Variants in PDZRN3 observed in about 807,000 individuals in gnomAD.
PDZRN3 encodes the protein E3 ubiquitin-protein ligase PDZRN3.
In PDZRN3, 38 loss-of-function variants were observed where a neutral mutation model predicts 85.7. The ratio of observed to expected loss-of-function variants is 0.44; its 90% CI spans 0.34 to 0.58. PDZRN3 has a LOEUF of 0.58. Among genes scored for constraint, PDZRN3 ranks in the 20% least tolerant of loss-of-function variants. The pLI, the probability that PDZRN3 is intolerant of heterozygous loss-of-function variation, is 0.01. For missense variants in PDZRN3, 1,629 were observed against 1,506.4 expected (o/e 1.08, Z -1.35); for synonymous variants, 759 against 638.0 (o/e 1.19, Z -2.86).
intron 3 of PDZRN3, among the ~76,000 whole-genome samples, chr3:73,480,247 G>C (rs994106634): frequency 6.6e-6 from 1 of 152,190 alleles, no homozygotes; most frequent in Non-Finnish European, 1.5e-5. Flanking sequence ...TGGCCAACAG[G>C]CTATAATGAC....
At chr3:73,418,142 C>T in intron 3 of PDZRN3, among the ~76,000 whole-genome samples, 1 of 152,256 alleles carries the variant, frequency 6.6e-6, no homozygotes, top group Non-Finnish European at 1.5e-5. Context: ...TTCACAGGCA[C>T]AGAAGGGCTT....
At chr3:73,619,782 G>A (rs983171463) in intron 1 of PDZRN3, among the ~76,000 whole-genome samples, 1 of 152,238 alleles carries the variant, frequency 6.6e-6, no homozygotes, top group Non-Finnish European at 1.5e-5. Context: ...AGAGAAATGG[G>A]ACAGCATAGG....
chr3:73,454,517 C>A (rs1335624900), intron 3 of PDZRN3, among the ~76,000 whole-genome samples: 1 of 152,204 alleles, frequency 6.6e-6, no homozygotes, highest in African/African-American at 2.4e-5. Context: ...GGAAGGACGA[C>A]ACGTAACCTA....
At chr3:73,549,066 G>A (rs909743335) in intron 3 of PDZRN3, among the ~76,000 whole-genome samples, 2 of 152,160 alleles carry the variant, frequency 1.3e-5, no homozygotes, top group South Asian at 2.1e-4. Context: ...ATCTCTTCTC[G>A]CCTCTGAACA....
At chr3:73,395,545 T>A (rs2106704355) in intron 5 of PDZRN3, among the ~76,000 whole-genome samples, 1 of 152,334 alleles carries the variant, frequency 6.6e-6, no homozygotes, top group East Asian at 1.9e-4. Flanking sequence ...AAACTCTCTG[T>A]TGCAGCATCA....
intron 1 of PDZRN3, among the ~76,000 whole-genome samples, chr3:73,617,758 T>A (rs1333187170): frequency 1.3e-5 from 2 of 152,212 alleles, no homozygotes; most frequent in African/African-American, 4.8e-5. Context: ...TGGAGTGCAC[T>A]GGCACGATCT....
intron 6 of PDZRN3, 59 bp downstream of exon 6, chr3:73,390,959 A>AG: frequency 4.2e-6 from 5 of 1,195,970 alleles, no homozygotes; most frequent in Non-Finnish European, 6.2e-6. Context: ...GTGAACATGA[A>AG]AAAAAAAACC....
chr3:73,395,816 TG>T (rs367779975), intron 5 of PDZRN3, among the ~76,000 whole-genome samples: 354 of 152,354 alleles, frequency 2.3e-3, no homozygotes, highest in Admixed American at 4.2e-3. Context: ...AAATATTTCC[TG>T]GGTGCCTACT....
intron 3 of PDZRN3, among the ~76,000 whole-genome samples, chr3:73,491,622 A>G (rs1703773556): frequency 1.9e-5 from 2 of 103,044 alleles, no homozygotes; most frequent in African/African-American, 6.3e-5. Context: ...CAGGGTCTTC[A>G]GGGTCTTGCT....
Position 73,515,472 on chromosome 3 carries a change from G to A in PDZRN3, c.918+86882C>T, listed in dbSNP as rs537249792. The stretch of plus-strand genomic sequence containing the variant: ...ATTACAGGCGTGAGCCACCACGCCC[G>A]GCCCAATCAGCCCTTCTTAAACACC... On this transcript the variant is annotated intron_variant, in intron 3 of 9. Transcript: ENST00000263666. 1.8e-4 allele frequency among the ~76,000 whole-genome samples: 28 copies of A among 152,142 alleles called. No homozygotes were observed. The East Asian group carries it at 2.9e-3, about 16-fold the overall frequency.
At chr3:73,433,939 CACAT>C (rs1702483463) in intron 3 of PDZRN3, 1 of 1,393,210 alleles carries the variant, frequency 7.2e-7, no homozygotes, top group African/African-American at 1.4e-5. Context: ...CACACACACA[CACAT>C]ACACACAGAC....
intron 3 of PDZRN3, among the ~76,000 whole-genome samples, chr3:73,559,899 A>G (rs1304985844): frequency 1.3e-5 from 2 of 152,220 alleles, no homozygotes; most frequent in Non-Finnish European, 2.9e-5. Context: ...CTTAGAGTCA[A>G]TATTTACATT....
intron 3 of PDZRN3, among the ~76,000 whole-genome samples, chr3:73,501,685 A>G (rs949678376): frequency 5.3e-5 from 8 of 152,228 alleles, no homozygotes; most frequent in African/African-American, 1.9e-4. Flanking sequence ...TTTGGTGAGA[A>G]TAAGGTGGGT....
chr3:73,495,273 G>T (rs1293319987), intron 3 of PDZRN3, among the ~76,000 whole-genome samples: 1 of 145,914 alleles, frequency 6.9e-6, no homozygotes, highest in Non-Finnish European at 1.5e-5. Context: ...TTTAATTATG[G>T]AAGTAAGAAA....
At chr3:73,480,281 G>C (rs1025391494) in intron 3 of PDZRN3, among the ~76,000 whole-genome samples, 1 of 152,184 alleles carries the variant, frequency 6.6e-6, no homozygotes, top group African/African-American at 2.4e-5. Context: ...ACCTCTCAGA[G>C]GTTAGCACCT....
intron 3 of PDZRN3, among the ~76,000 whole-genome samples, chr3:73,468,424 C>G (rs976330572): frequency 2.6e-5 from 4 of 152,008 alleles, no homozygotes; most frequent in African/African-American, 9.7e-5. Context: ...CTCTCCATGC[C>G]CCAAATACAG....
At chr3:73,620,976 T>C (rs919764003) in intron 1 of PDZRN3, among the ~76,000 whole-genome samples, 13 of 152,378 alleles carry the variant, frequency 8.5e-5, no homozygotes, top group African/African-American at 3.1e-4. Flanking sequence ...GACCAATACA[T>C]GTTTGGTCTA....
intron 3 of PDZRN3, among the ~76,000 whole-genome samples, chr3:73,600,733 T>TG (rs1198246979): frequency 2.0e-5 from 3 of 152,220 alleles, no homozygotes; most frequent in Non-Finnish European, 4.4e-5. Context: ...TTAGAGAAAC[T>TG]GGCTGTTCCA....
intron 3 of PDZRN3, among the ~76,000 whole-genome samples, chr3:73,503,276 C>T (rs1252521822): frequency 6.6e-6 from 1 of 152,116 alleles, no homozygotes; most frequent in Non-Finnish European, 1.5e-5. Flanking sequence ...GCTACCTTTA[C>T]AAGCAAATGT....
Sources: gnomAD v4.1 joint callset for allele counts (sites outside exome capture counted in the v4.1 genomes callset) on GRCh38, gnomAD v4.1.1 for gene constraint, MANE v1.5 for transcripts, NCBI Gene and HGNC (gene_info 2026-07-23, HGNC 2026-07-21) for gene names.